The following BLTP1 variants were observed in gnomAD, a reference collection of about 807,000 sequenced individuals.
BLTP1 encodes bridge-like lipid transfer protein family member 1, also known as fragile site-associated protein.
the BLTP1 span, among the ~76,000 whole-genome samples, chr4:122,245,834 T>C: frequency 6.6e-6 from 1 of 152,070 alleles, no homozygotes; most frequent in African/African-American, 2.4e-5. Flanking sequence ...AAGGGGCCAA[T>C]TATCAGAAAC....
At chr4:122,154,370 G>C in the BLTP1 span, 2 of 984,550 alleles carry the variant, frequency 2.0e-6, no homozygotes, top group Non-Finnish European at 1.2e-6. Context: ...GGGAATGGGG[G>C]TGGGGTGGTG....
chr4:122,204,094 C>A, the BLTP1 span, among the ~76,000 whole-genome samples: 1 of 151,848 alleles, frequency 6.6e-6, no homozygotes, highest in Non-Finnish European at 1.5e-5. Context: ...ATGATCTCTG[C>A]CCTCACTTAT....
chr4:122,352,989 A>G, the BLTP1 span: 13 of 1,613,924 alleles, frequency 8.1e-6, no homozygotes, highest in East Asian at 2.2e-5. Context: ...AGATTCCATT[A>G]CCAGAAGATG....
chr4:122,295,187 C>T, the BLTP1 span, among the ~76,000 whole-genome samples: 1 of 152,280 alleles, frequency 6.6e-6, no homozygotes, highest in East Asian at 1.9e-4. Flanking sequence ...GGAAAACATA[C>T]TTCAGGATAT....
the BLTP1 span, chr4:122,208,005 C>T: frequency 4.5e-5 from 44 of 985,186 alleles, no homozygotes; most frequent in Non-Finnish European, 5.2e-5. Flanking sequence ...GGAGTAACCA[C>T]AGTAGCTTTC....
chr4:122,184,831 G>C, the BLTP1 span: 12 of 985,310 alleles, frequency 1.2e-5, no homozygotes, highest in Non-Finnish European at 1.3e-5. Context: ...ACAAAACTTA[G>C]CCTTTGTTCA....
chr4:122,193,750 T>G, the BLTP1 span: 1 of 635,072 alleles, frequency 1.6e-6, no homozygotes, highest in Non-Finnish European at 2.0e-6. Context: ...TACGGGGCCA[T>G]TGATAGATTA....
the BLTP1 span, chr4:122,251,083 A>G: frequency 2.0e-4 from 199 of 985,268 alleles, no homozygotes; most frequent in Non-Finnish European, 2.3e-4. Flanking sequence ...AAATATTCCA[A>G]ATTTTTGGTT....
chr4:122,152,389 C>A, the BLTP1 span: 30 of 985,140 alleles, frequency 3.0e-5, no homozygotes, highest in African/African-American at 4.9e-4. Context: ...CCTTGGGTGT[C>A]GGTGGCTGCG....
chr4:122,259,250 CAT>C, the BLTP1 span, among the ~76,000 whole-genome samples: 1 of 152,230 alleles, frequency 6.6e-6, no homozygotes, highest in East Asian at 1.9e-4. Context: ...TGATAAGAGA[CAT>C]ATAGCAAAGT....
the BLTP1 span, chr4:122,167,982 G>T: frequency 1.3e-6 from 1 of 764,678 alleles, no homozygotes; most frequent in Non-Finnish European, 1.6e-6. Flanking sequence ...TACTTCATGT[G>T]GCTGAGCATA....
At chr4:122,287,621 T>C in the BLTP1 span, 3 of 984,992 alleles carry the variant, frequency 3.0e-6, no homozygotes, top group South Asian at 1.4e-4. Context: ...TAAATTTTGT[T>C]CTCCATAACC....
the BLTP1 span, chr4:122,187,841 T>C: frequency 6.6e-7 from 1 of 1,507,004 alleles, no homozygotes; most frequent in Non-Finnish European, 8.8e-7. Flanking sequence ...GAAAGAAATA[T>C]GGCCAGAATA....
the BLTP1 span, chr4:122,350,296 C>T: frequency 2.0e-6 from 2 of 984,884 alleles, no homozygotes. Flanking sequence ...TGCTGCAGTG[C>T]ATCTGCATCC....
At chr4:122,298,995 G>A in the BLTP1 span, 1 of 985,362 alleles carries the variant, frequency 1.0e-6, no homozygotes, top group Non-Finnish European at 1.2e-6. Flanking sequence ...AGCAACACAG[G>A]TGCTTTATAC....
At chr4:122,256,348 T>A in the BLTP1 span, among the ~76,000 whole-genome samples, 1 of 152,180 alleles carries the variant, frequency 6.6e-6, no homozygotes, top group Non-Finnish European at 1.5e-5. Flanking sequence ...TGTGTAGTTA[T>A]AGGTAGAGAA....
At chr4:122,158,806 A>G in the BLTP1 span, among the ~76,000 whole-genome samples, 141 of 152,312 alleles carry the variant, frequency 9.3e-4, no homozygotes, top group African/African-American at 3.1e-3. Flanking sequence ...TTATTTTGAT[A>G]AGTATTTAGG....
chr4:122,311,148 T>C, the BLTP1 span, among the ~76,000 whole-genome samples: 1 of 152,178 alleles, frequency 6.6e-6, no homozygotes, highest in Non-Finnish European at 1.5e-5. Flanking sequence ...ACAGTTTATC[T>C]TAAAGGGCAA....
chr4:122,181,240 C>CT, the BLTP1 span: 336 of 941,450 alleles, frequency 3.6e-4, no homozygotes, highest in Middle Eastern at 1.1e-3. Flanking sequence ...TAGATGCGTT[C>CT]TTTTTTTTTA....
Sources: allele counts gnomAD v4.1 joint callset (sites outside exome capture counted in the v4.1 genomes callset), GRCh38; gene constraint gnomAD v4.1.1; transcripts MANE v1.5; gene names NCBI Gene and HGNC (gene_info 2026-07-23, HGNC 2026-07-21).